Variants in CCDC88A observed in about 807,000 individuals in gnomAD.
CCDC88A encodes the protein girdin.
A neutral mutation model predicts 234.3 loss-of-function variants in CCDC88A; 54 were observed. The ratio of observed to expected loss-of-function variants is 0.23; its 90% CI spans 0.19 to 0.29. The LOEUF (loss-of-function observed/expected upper bound fraction) is 0.29, where lower values mean the gene tolerates loss of function less well. Among genes scored for constraint, CCDC88A ranks in the 10% least tolerant of loss-of-function variants. The pLI, the probability that CCDC88A is intolerant of heterozygous loss-of-function variation, is 1.00. For synonymous variants in CCDC88A, 753 were observed against 737.8 expected (o/e 1.02, Z -0.33); for missense variants, 1,832 against 2,123.4 (o/e 0.86, Z 2.70).
rs1249749587 is a variant in CCDC88A, at chr2:55,296,440, T to C, written c.4909A>G (p.Ser1637Gly). 6.2e-7 allele frequency: 1 copy of C among 1,614,250 alleles called. No individual in the cohort carries two copies. ...TACTGGATTGGACTGCTACCACTGCTGGACCAAGCCTCATGGTCATGAAGC... is the reference window on the plus strand; with the variant it reads ...TACTGGATTGGACTGCTACCACTGCCGGACCAAGCCTCATGGTCATGAAGC... ...SLLHDHEAWSSSGSSPIQYLK... is the reference protein window; with the variant it reads ...SLLHDHEAWSGSGSSPIQYLK... Residue 1637 changes from serine (S) to glycine (G), a missense_variant, in exon 30 of 33, where the codon AGC becomes GGC. This residue lies in a region of CCDC88A where 422 missense variants were observed against 416.5 expected (regional missense o/e 1.01). Coordinates refer to ENST00000436346, the MANE Select transcript of CCDC88A (RefSeq NM_001365480.1).
At chr2:55,299,199 G>A (rs1033651694) in intron 29 of CCDC88A, among the ~76,000 whole-genome samples, 1 of 152,214 alleles carries the variant, frequency 6.6e-6, no homozygotes, top group East Asian at 1.9e-4. Flanking sequence ...GTGAGACTCC[G>A]TCTCAAAACA....
intron 13 of CCDC88A, chr2:55,337,273 T>A (rs6717221): frequency 1.3e-5 from 2 of 152,008 alleles, no homozygotes; most frequent in African/African-American, 4.8e-5. Flanking sequence ...AAGAAAGGAC[T>A]TCCTTTAAGA....
chr2:55,393,064 G>A (rs898124337), intron 2 of CCDC88A, among the ~76,000 whole-genome samples: 3 of 151,512 alleles, frequency 2.0e-5, no homozygotes, highest in Non-Finnish European at 2.9e-5. Flanking sequence ...AACCTTGTTG[G>A]GATTTACTGA....
At chr2:55,339,430 T>C (rs1305701323) in intron 13 of CCDC88A, 34 bp downstream of exon 13, 6 of 1,411,124 alleles carry the variant, frequency 4.3e-6, no homozygotes, top group Non-Finnish European at 5.8e-6. Flanking sequence ...ACAAGTTTTT[T>C]TAACATTAAA....
At chr2:55,355,344 T>A (rs977935906) in intron 8 of CCDC88A, 1 of 393,258 alleles carries the variant, frequency 2.5e-6, no homozygotes, top group Non-Finnish European at 4.6e-6. Flanking sequence ...GACATTATTT[T>A]ATTTAAAAAA....
In CCDC88A at chr2:55,374,831, C is replaced by A; in HGVS notation, c.326G>T (p.Gly109Val). ...ATACTTACCAGAAAAGGGATTTTTG[C>A]CAATGATTAAGACATTTGGCAACGA... ...MMSLPNVLII[G>V]KNPFSEQGTE... The change falls in exon 4 of 33, where the codon GGC (glycine) becomes GTC (valine). Residue 109 changes from glycine to valine, a missense_variant. By Grantham distance (109) the Gly-to-Val change is moderately radical. Coordinates refer to ENST00000436346, the MANE Select transcript of CCDC88A (RefSeq NM_001365480.1). 2 of 1,604,246 alleles carry A rather than the reference C, an allele frequency of 1.2e-6. No homozygotes were observed. Among genetic ancestry groups the A allele is most frequent in the Non-Finnish European group, 8.5e-7 (1 of 1,172,420 alleles).
chr2:55,389,574 C>T (rs1029798367), intron 2 of CCDC88A, among the ~76,000 whole-genome samples: 2 of 152,126 alleles, frequency 1.3e-5, no homozygotes, highest in African/African-American at 4.8e-5. Flanking sequence ...CTACACAGTC[C>T]ATTGCATTCC....
intron 2 of CCDC88A, 57 bp from the exon 3 acceptor site, chr2:55,388,943 T>C (rs1351923907): frequency 7.8e-6 from 4 of 511,726 alleles, no homozygotes; most frequent in Middle Eastern, 5.4e-4. Context: ...TCAATCTATA[T>C]ATAATTAAAA....
Position 55,317,041 on chromosome 2 carries a change from AT to A in CCDC88A, c.3746+164del, listed in dbSNP as rs1558655703. On this transcript the variant is annotated intron_variant, in intron 21 of 32. Coordinates refer to ENST00000436346, the MANE Select transcript of CCDC88A (RefSeq NM_001365480.1). This position sits in a 1 kb window ranked among gnomAD's most constrained non-coding sequence, Gnocchi z 4.2. ...TGAGCCACTGCACCCAGCCTATTCTATTTTTTAAAATTCCGAATTCAAACTA... is the reference window on the plus strand; with the variant it reads ...TGAGCCACTGCACCCAGCCTATTCTATTTTTAAAATTCCGAATTCAAACTA... The A allele has an allele frequency of 4.2e-6, 1 of 237,472 alleles. No individual in the cohort carries two copies. Among genetic ancestry groups the A allele is most frequent in the African/African-American group, 2.3e-5 (1 of 43,848 alleles). The allele number at this position is 237,472 out of a possible 1,614,324, so 14.7% of individuals were successfully genotyped here.
chr2:55,308,907 C>G lies in CCDC88A; in HGVS notation c.4289G>C (p.Gly1430Ala). ...LTPTRSDSSE[G>A]FLQLPHQDSQ... Reference sequence around the variant, plus strand: ...GTCTTGATGAGGGAGCTGAAGAAATCCTTCACTGGAGTCTGAGCGGGTGGG... The same window carrying G: ...GTCTTGATGAGGGAGCTGAAGAAATGCTTCACTGGAGTCTGAGCGGGTGGG... Residue 1430 changes from glycine to alanine, a missense_variant, in exon 25 of 33, where the codon GGA becomes GCA. This residue lies in a region of CCDC88A where 1,282 missense variants were observed against 1,543.6 expected (regional missense o/e 0.83). Transcript: ENST00000436346. 1 of 1,614,014 alleles carries G rather than the reference C, an allele frequency of 6.2e-7. No homozygotes were observed. Among genetic ancestry groups the G allele is most frequent in the South Asian group, 1.1e-5 (1 of 91,084 alleles).
intron 12 of CCDC88A, 115 bp from the exon 13 acceptor site, chr2:55,339,763 T>G: frequency 1.4e-6 from 1 of 710,054 alleles, no homozygotes; most frequent in East Asian, 3.1e-5. Context: ...TCCTTAACTT[T>G]ATTAAAAATT....
chr2:55,419,478 A>G lies in CCDC88A; in HGVS notation c.-399T>C. On this transcript the variant is annotated 5_prime_UTR_variant, in exon 1 of 33. Coordinates refer to ENST00000436346, the MANE Select transcript of CCDC88A (RefSeq NM_001365480.1). ...ATGAATCAATCCCAACGGGGGCTAA[A>G]TGAAATACGTTAAACAGAGACCACG... 5.1e-6 allele frequency: 1 copy of G among 197,730 alleles called. No individual in the cohort carries two copies. Among genetic ancestry groups the G allele is most frequent in the Non-Finnish European group, 1.0e-5 (1 of 95,338 alleles). The allele number at this position is 197,730 out of a possible 1,614,324, so 12.2% of individuals were successfully genotyped here.
At chr2:55,296,128 T>C in intron 30 of CCDC88A, 72 bp from the exon 31 acceptor site, 1 of 1,349,294 alleles carries the variant, frequency 7.4e-7, no homozygotes, top group Non-Finnish European at 1.0e-6. Context: ...TTTAGCAGAC[T>C]GTGCAATATA....
At chr2:55,312,364 T>C in intron 23 of CCDC88A, 70 bp downstream of exon 23, 1 of 1,369,936 alleles carries the variant, frequency 7.3e-7, no homozygotes, top group Non-Finnish European at 1.0e-6. Flanking sequence ...GAATTTTCTC[T>C]GCCACTGGGT....
chr2:55,351,249 T>C (rs1470756730), intron 8 of CCDC88A, among the ~76,000 whole-genome samples: 1 of 152,200 alleles, frequency 6.6e-6, no homozygotes, highest in Non-Finnish European at 1.5e-5. Context: ...AGGACAGATT[T>C]CTAAAAGTGC....
In CCDC88A at chr2:55,343,630, T is replaced by C. The variant is rs750703048; in HGVS notation, c.1333+18A>G. The C allele has an allele frequency of 6.4e-6, 10 of 1,574,174 alleles. No homozygotes were observed. The East Asian group carries it at 2.3e-4, about 35-fold the overall frequency. ...TCATGATTCGATTATCTATTTAAAT[T>C]AAAAAAATTGGGAATACCTTCGGAA... On this transcript the variant is annotated intron_variant, in intron 12 of 32. Transcript: ENST00000436346.
intron 29 of CCDC88A, among the ~76,000 whole-genome samples, chr2:55,297,430 A>G (rs1214717541): frequency 2.8e-5 from 2 of 72,618 alleles, no homozygotes; most frequent in Non-Finnish European, 6.1e-5. Flanking sequence ...TTTTTTTTTG[A>G]GATGGGGTCT....
intron 12 of CCDC88A, 24 bp downstream of exon 12, chr2:55,343,624 T>C: frequency 1.3e-6 from 2 of 1,567,316 alleles, no homozygotes; most frequent in Non-Finnish European, 1.7e-6. Context: ...GATTATCTAT[T>C]TAAATTAAAA....
chr2:55,301,728 T>C, intron 27 of CCDC88A, 144 bp downstream of exon 27: 1 of 694,992 alleles, frequency 1.4e-6, no homozygotes, highest in Non-Finnish European at 2.4e-6. Context: ...TAAAATGATT[T>C]GAAAGTTCCT....
Sources: gnomAD v4.1 joint callset for allele counts (sites outside exome capture counted in the v4.1 genomes callset) on GRCh38, gnomAD v4.1.1 for gene constraint, gnomAD v4.1.1 regional missense constraint, Gnocchi (gnomAD v3.1) non-coding constraint, MANE v1.5 for transcripts, NCBI Gene and HGNC (gene_info 2026-07-23, HGNC 2026-07-21) for gene names.